Variants in UTP25 observed in about 807,000 individuals in gnomAD.
UTP25 encodes the protein U3 small nucleolar RNA-associated protein 25 homolog.
UTP25 carries 50 observed loss-of-function variants against 78.9 expected under a neutral mutation model. The observed-to-expected ratio is 0.63, with a 90% CI of 0.50 to 0.80. UTP25 has a LOEUF of 0.80. Among genes scored for constraint, UTP25 ranks in the 30% least tolerant of loss-of-function variants. UTP25 has a pLI of 0.00. For missense variants in UTP25, 846 were observed against 911.3 expected (o/e 0.93, Z 0.92); for synonymous variants, 329 against 336.5 (o/e 0.98, Z 0.24).
At chr1:209,845,728 A>C (rs916466448) in intron 11 of UTP25, among the ~76,000 whole-genome samples, 1 of 151,824 alleles carries the variant, frequency 6.6e-6, no homozygotes, top group Non-Finnish European at 1.5e-5. Flanking sequence ...AATTATCTCA[A>C]GGTTTCCAGC....
chr1:209,855,397 C>A lies in UTP25; in HGVS notation c.*3950C>A, dbSNP rs2078268568. 1 of 152,210 alleles carries A rather than the reference C, an allele frequency of 6.6e-6. No individual in the cohort carries two copies. Among genetic ancestry groups the A allele is most frequent in the Admixed American group, 6.5e-5 (1 of 15,278 alleles). The allele number at this position is 152,210 out of a possible 1,614,324, so 9.4% of individuals were successfully genotyped here. A position where few individuals can be genotyped will look rare whatever the true frequency, so the allele number is the denominator to read the frequency against. ...TAGGCTCCCCTTACACCTCTGGTCA[C>A]GTTGCCATTATTCCTATGGTAGATA... On this transcript the variant is annotated 3_prime_UTR_variant, in exon 12 of 12. Transcript: ENST00000491415.
chr1:209,831,188 T>A lies in UTP25; in HGVS notation c.388+145T>A, dbSNP rs952432648. On this transcript the variant is annotated intron_variant, in intron 3 of 11. Coordinates refer to ENST00000491415, the MANE Select transcript of UTP25 (RefSeq NM_014388.7). ...TTTACCCTTGTTGGGTTTGATTGTA[T>A]CTTTGAGAATCTGATGGAAACACAG... The A allele has an allele frequency of 1.7e-5, 13 of 771,708 alleles. No individual in the cohort carries two copies. In the Admixed American group the frequency reaches 3.5e-4, roughly 21 times the overall value. 47.8% of individuals were successfully genotyped at this position (771,708 alleles called of 1,614,324 possible). A position where few individuals can be genotyped will look rare whatever the true frequency, so the allele number is the denominator to read the frequency against.
chr1:209,828,753 AC>A (rs2078085491), intron 1 of UTP25, among the ~76,000 whole-genome samples: 2 of 34,630 alleles, frequency 5.8e-5, no homozygotes, highest in African/African-American at 2.3e-4. Flanking sequence ...TTTTGTAGAC[AC>A]ACATATATAT....
In UTP25 at chr1:209,831,041, A is replaced by G; in HGVS notation, c.386A>G (p.Glu129Gly). ...GCTGCAGAGTCTACTGAAAGTCCAG[A>G]GAGTAAGTGTCTTTACTATAGGCTC... ...EMAAESTESP[E>G]NVALSADPEG... The change falls in exon 3 of 12, where the codon GAG becomes GGG. Residue 129 changes from glutamate to glycine, a missense_variant and splice_region_variant. By Grantham distance (98) the Glu-to-Gly change is moderately conservative. Coordinates refer to ENST00000491415, the MANE Select transcript of UTP25 (RefSeq NM_014388.7). 1 of 1,614,132 alleles carries G rather than the reference A, an allele frequency of 6.2e-7. No homozygotes were observed. Among genetic ancestry groups the G allele is most frequent in the Non-Finnish European group, 8.5e-7 (1 of 1,179,970 alleles).
At chr1:209,835,576 A>G (rs2102571140) in intron 5 of UTP25, among the ~76,000 whole-genome samples, 1 of 152,306 alleles carries the variant, frequency 6.6e-6, no homozygotes, top group East Asian at 1.9e-4. Flanking sequence ...AGTAGGTACT[A>G]CTGTTGTTCA....
chr1:209,831,244 C>T (rs1162676338), intron 3 of UTP25, among the ~76,000 whole-genome samples: 1 of 152,174 alleles, frequency 6.6e-6, no homozygotes, highest in East Asian at 1.9e-4. Flanking sequence ...GCAGAAATAA[C>T]ATTTTTGCTT....
In UTP25 at chr1:209,836,920, G is replaced by A; in HGVS notation, c.771G>A (p.Trp257Ter). Residue 257 changes from tryptophan (W) to a stop codon, truncating the protein, a stop_gained, in exon 6 of 12, where the codon TGG (tryptophan) becomes TGA (stop). Coordinates refer to ENST00000491415, the MANE Select transcript of UTP25 (RefSeq NM_014388.7). LOFTEE classifies it high-confidence loss of function. The part of the protein sequence containing the change: ...LHLQKPLEST[W>*]TKTNSQFLSG... ...TCCAGAAGCCTCTGGAATCCACCTG[G>A]ACTAAGACCAACAGCCAGTTCCTAT... The A allele has an allele frequency of 6.2e-7, 1 of 1,613,960 alleles. No individual in the cohort carries two copies. The highest frequency in any genetic ancestry group is 8.5e-7 in the Non-Finnish European group (1 of 1,179,988).
Position 209,831,048 on chromosome 1 carries a change from G to C in UTP25, c.388+5G>C, listed in dbSNP as rs751818877. ...AGTCTACTGAAAGTCCAGAGAGTAA[G>C]TGTCTTTACTATAGGCTCATCATCT... On this transcript the variant is annotated splice_donor_5th_base_variant and intron_variant, in intron 3 of 11. Coordinates refer to ENST00000491415, the MANE Select transcript of UTP25 (RefSeq NM_014388.7). 1 of 1,614,054 alleles carries C rather than the reference G, an allele frequency of 6.2e-7. No homozygotes were observed. The highest frequency in any genetic ancestry group is 8.5e-7 in the Non-Finnish European group (1 of 1,179,950).
In UTP25 at chr1:209,838,895, T is replaced by G; in HGVS notation, c.1063-14T>G. On this transcript the variant is annotated splice_polypyrimidine_tract_variant and intron_variant, in intron 6 of 11. Coordinates refer to ENST00000491415, the MANE Select transcript of UTP25 (RefSeq NM_014388.7). ...CCTCTTACCCCACTAAGGCTGCTGT[T>G]GCTGTCTGCACAGGTACTGATAGTG... 3 of 1,613,946 alleles carry G rather than the reference T, an allele frequency of 1.9e-6. No homozygotes were observed. In the Middle Eastern group the frequency reaches 5.0e-4, roughly 266 times the overall value.
At chr1:209,844,728 C>T (rs111953802) in intron 11 of UTP25, 4 of 151,660 alleles carry the variant, frequency 2.6e-5, no homozygotes, top group African/African-American at 9.7e-5. Context: ...CCTTCTGGCC[C>T]TAGAGCTCAT....
chr1:209,842,828 A>G lies in UTP25; in HGVS notation c.1781+133A>G, dbSNP rs1370223228. The stretch of plus-strand genomic sequence containing the variant: ...TCAGTTGAGATAATTGAACTTAATT[A>G]TGTCATTTGTCAGAGGAGGAAACTG... On this transcript the variant is annotated intron_variant, in intron 10 of 11. Transcript: ENST00000491415. The G allele has an allele frequency of 9.0e-6, 6 of 669,008 alleles. 1 individual carries two copies. The South Asian group carries it at 9.4e-5, about 11-fold the overall frequency. The allele number at this position is 669,008 out of a possible 1,614,324, so 41.4% of individuals were successfully genotyped here.
At chr1:209,833,436 T>A (rs907182092) in intron 4 of UTP25, 78 bp downstream of exon 4, 109 of 1,259,878 alleles carry the variant, frequency 8.7e-5, no homozygotes, top group Non-Finnish European at 1.1e-4. Context: ...ATTGAATCTA[T>A]TATTGGAACA....
In UTP25 at chr1:209,851,220, A is replaced by T. The variant is rs1380916383; in HGVS notation, c.2044A>T (p.Ile682Phe). ...TTCTGACAGGTATACAATAAAAGGC[A>T]TCAGGAACCTGATTTTCTATGAACT... ...HFYKRYTIKGIRNLIFYELPT... is the reference protein window; with the variant it reads ...HFYKRYTIKGFRNLIFYELPT... The change falls in exon 12 of 12, where the codon ATC (isoleucine) becomes TTC (phenylalanine). Residue 682 changes from isoleucine to phenylalanine, a missense_variant. Transcript: ENST00000491415. 1 of 1,613,446 alleles carries T rather than the reference A, an allele frequency of 6.2e-7. No individual in the cohort carries two copies. Among genetic ancestry groups the T allele is most frequent in the Admixed American group, 1.7e-5 (1 of 59,892 alleles).
At chr1:209,841,103 G>T in intron 8 of UTP25, 48 bp downstream of exon 8, 1 of 1,594,322 alleles carries the variant, frequency 6.3e-7, no homozygotes, top group Non-Finnish European at 8.6e-7. Flanking sequence ...ATATTTAGAG[G>T]GATAAGACAC....
At chr1:209,846,954 T>G (rs1294805521) in intron 11 of UTP25, among the ~76,000 whole-genome samples, 1 of 152,264 alleles carries the variant, frequency 6.6e-6, no homozygotes, top group African/African-American at 2.4e-5. Context: ...CTCACTGCCC[T>G]GATATAAATA....
At chr1:209,832,663 G>A (rs750530496) in intron 3 of UTP25, among the ~76,000 whole-genome samples, 3 of 152,178 alleles carry the variant, frequency 2.0e-5, no homozygotes, top group Non-Finnish European at 2.9e-5. Flanking sequence ...CAGGCAGATC[G>A]ATTGAGCTTA....
In UTP25 at chr1:209,833,205, C is replaced by A; in HGVS notation, c.409C>A (p.Pro137Thr). The stretch of plus-strand genomic sequence containing the variant: ...TGCAGATGTAGCTTTATCTGCTGAC[C>A]CTGAGGGAAAAGAAGATGGGGAAGA... ...SPENVALSAD[P>T]EGKEDGEEPP... The change falls in exon 4 of 12, where the codon CCT becomes ACT. Residue 137 changes from proline (P) to threonine (T), a missense_variant. Transcript: ENST00000491415. The A allele has an allele frequency of 6.2e-7, 1 of 1,612,290 alleles. No homozygotes were observed.
At chr1:209,844,326 C>A (rs1413621729) in intron 11 of UTP25, 1 of 152,144 alleles carries the variant, frequency 6.6e-6, no homozygotes, top group Non-Finnish European at 1.5e-5. Context: ...GATTGGTCTT[C>A]ATGTTATTTT....
At chr1:209,830,305 A>C (rs571599911) in intron 2 of UTP25, among the ~76,000 whole-genome samples, 158 bp downstream of exon 2, 2 of 152,300 alleles carry the variant, frequency 1.3e-5, no homozygotes, top group East Asian at 3.9e-4. Flanking sequence ...GATGTCTATA[A>C]AAATGCCATT....
Sources: allele counts gnomAD v4.1 joint callset (sites outside exome capture counted in the v4.1 genomes callset), GRCh38; gene constraint gnomAD v4.1.1; transcripts MANE v1.5; gene names NCBI Gene and HGNC (gene_info 2026-07-23, HGNC 2026-07-21).